The following MEGF6 variants were observed in gnomAD, a reference collection of about 807,000 sequenced individuals.
The protein encoded by MEGF6 is multiple EGF like domains 6.
In MEGF6, 184 loss-of-function variants were observed where a neutral mutation model predicts 207.1. That is an observed-to-expected ratio of 0.89 (90% CI 0.79 to 1.00). The LOEUF (loss-of-function observed/expected upper bound fraction) is 1.00. MEGF6 is among the 50% of genes least tolerant of loss of function. MEGF6 has a pLI of 0.00. For missense variants in MEGF6, 2,282 were observed against 2,202.9 expected, an observed-to-expected ratio of 1.04 and a Z score of -0.72; for synonymous variants, 1,038 against 910.0, an observed-to-expected ratio of 1.14 and a Z score of -2.53.
At chr1:3,591,248 G>A (rs12138013) in intron 3 of MEGF6, among the ~76,000 whole-genome samples, 82,212 of 152,142 alleles carry the variant, frequency 0.54, 25,739 homozygotes, top group Non-Finnish European at 0.71. Context: ...GGAAGGCAGA[G>A]CCTCAGCTGA....
At chr1:3,530,956 C>G in intron 4 of MEGF6, 1 of 1,295,850 alleles carries the variant, frequency 7.7e-7, no homozygotes, top group East Asian at 3.2e-5. Flanking sequence ...GGCACTGCCC[C>G]GCCCTGCTCC....
intron 1 of MEGF6, 77 bp from the exon 2 acceptor site, chr1:3,602,677 T>C (rs1644180001): frequency 1.3e-5 from 20 of 1,524,992 alleles, no homozygotes; most frequent in African/African-American, 2.8e-5. Flanking sequence ...ACCCCCAGCC[T>C]TGGGTGTCAG....
chr1:3,603,058 C>T (rs1644185904), intron 1 of MEGF6, among the ~76,000 whole-genome samples: 1 of 152,186 alleles, frequency 6.6e-6, no homozygotes, highest in Admixed American at 6.5e-5. Context: ...TGAACCCGGG[C>T]CCATCCCCTG....
intron 4 of MEGF6, among the ~76,000 whole-genome samples, chr1:3,563,002 G>A (rs951145883): frequency 2.0e-5 from 3 of 152,174 alleles, no homozygotes; most frequent in Middle Eastern, 3.4e-3. Context: ...TCTGCCCACC[G>A]AGGCAGCCCC....
chr1:3,531,954 C>T (rs1218583066), intron 4 of MEGF6, among the ~76,000 whole-genome samples: 5 of 152,232 alleles, frequency 3.3e-5, no homozygotes, highest in Non-Finnish European at 4.4e-5. Context: ...GAGACACCCC[C>T]AGTCCCCACG....
the MEGF6 span, among the ~76,000 whole-genome samples, chr1:3,617,808 G>A: frequency 1.3e-5 from 2 of 152,198 alleles, no homozygotes; most frequent in African/African-American, 4.8e-5. Context: ...GAGCCACAGG[G>A]AGAGCGCAGC....
intron 4 of MEGF6, among the ~76,000 whole-genome samples, chr1:3,554,283 C>T (rs1204648892): frequency 6.6e-6 from 1 of 152,146 alleles, no homozygotes; most frequent in Non-Finnish European, 1.5e-5. Flanking sequence ...ACCAGCGCCC[C>T]GACCAGGCGG....
intron 4 of MEGF6, among the ~76,000 whole-genome samples, chr1:3,533,475 A>G (rs1194142158): frequency 6.6e-6 from 1 of 152,188 alleles, no homozygotes; most frequent in Non-Finnish European, 1.5e-5. Flanking sequence ...ATTGCCAACA[A>G]CTCACCAGTT....
At position 3,531,520 on chromosome 1, in the gene MEGF6, C is replaced by G. The variant is rs888010810; in HGVS notation, c.482-7274G>C. On this transcript the variant is annotated intron_variant, in intron 4 of 36. Transcript: ENST00000356575. ...GAGGGAGCCGCCCCCGGCCCCGCCC[C>G]GAGCCCCGCCCCACCTCCCCCAGGG... 3.8e-6 allele frequency: 4 copies of G among 1,039,540 alleles called. No individual in the cohort carries two copies. The African/African-American group carries it at 5.1e-5, about 13-fold the overall frequency. The allele number at this position is 1,039,540 out of a possible 1,614,324, so 64.4% of individuals were successfully genotyped here.
Position 3,529,617 on chromosome 1 carries a change from G to A in MEGF6, c.482-5371C>T, listed in dbSNP as rs149602968. ...CAGCACACTGGCACACAGCGACACG[G>A]CTGTGCCAACACGGGCTGGTTCACC... On this transcript the variant is annotated intron_variant, in intron 4 of 36. Transcript: ENST00000356575. Among the ~76,000 whole-genome samples the A allele has an allele frequency of 4.0e-3, 609 of 152,360 alleles. 2 individuals are homozygous for A. The highest frequency in any genetic ancestry group is 0.014 in the African/African-American group (585 of 41,590).
chr1:3,529,209 G>A (rs992204769), intron 4 of MEGF6, among the ~76,000 whole-genome samples: 3 of 152,182 alleles, frequency 2.0e-5, no homozygotes, highest in Admixed American at 2.0e-4. Context: ...GTGGGACCAG[G>A]GCCCCCAGGA....
In MEGF6 at chr1:3,591,945, A is replaced by T. The variant is rs1014685313; in HGVS notation, c.376+3393T>A. 1.1e-4 allele frequency among the ~76,000 whole-genome samples: 17 copies of T among 152,296 alleles called. No individual in the cohort carries two copies. In the East Asian group the frequency reaches 1.2e-3, roughly 10 times the overall value. On this transcript the variant is annotated intron_variant, in intron 3 of 36. Transcript: ENST00000356575. ...AAGCGACCTGGAGGGAACTGAGCCCAGTACTGAGCCATGTTTTCCACTCTT... is the reference window on the plus strand; with the variant it reads ...AAGCGACCTGGAGGGAACTGAGCCCTGTACTGAGCCATGTTTTCCACTCTT...
intron 3 of MEGF6, among the ~76,000 whole-genome samples, chr1:3,588,006 G>GCAGAAGTGGC (rs1643917785): frequency 1.9e-3 from 1 of 520 alleles, no homozygotes. Context: ...CCAGGAGGGG[G>GCAGAAGTGGC]CAGGAGGGGA....
At chr1:3,496,118 C>A in intron 29 of MEGF6, 100 bp from the exon 30 acceptor site, 3 of 1,415,162 alleles carry the variant, frequency 2.1e-6, no homozygotes, top group South Asian at 1.5e-5. Flanking sequence ...GGTGAGGGGA[C>A]CCTGGGTCTG....
intron 4 of MEGF6, among the ~76,000 whole-genome samples, chr1:3,525,316 C>T (rs1203797876): frequency 2.0e-5 from 3 of 152,250 alleles, no homozygotes; most frequent in Non-Finnish European, 4.4e-5. Flanking sequence ...TTAGCTGATG[C>T]CCCACTCAAA....
intron 4 of MEGF6, among the ~76,000 whole-genome samples, chr1:3,542,101 C>T (rs1297256178): frequency 6.6e-6 from 1 of 152,076 alleles, no homozygotes; most frequent in Non-Finnish European, 1.5e-5. Flanking sequence ...CCCGGCTGCC[C>T]CGTTTCCCGT....
intron 26 of MEGF6, 76 bp from the exon 27 acceptor site, chr1:3,497,437 A>G: frequency 6.9e-7 from 1 of 1,440,292 alleles, no homozygotes. Flanking sequence ...GGCCGGGAGC[A>G]GGTGCTGTGG....
At chr1:3,603,290 G>A (rs538660950) in intron 1 of MEGF6, among the ~76,000 whole-genome samples, 1 of 151,948 alleles carries the variant, frequency 6.6e-6, no homozygotes, top group Admixed American at 6.5e-5. Flanking sequence ...GTGGAGAAAG[G>A]ACTCAGGCCC....
At chr1:3,494,940 A>T (rs1237037023) in intron 30 of MEGF6, among the ~76,000 whole-genome samples, 199 bp from the exon 31 acceptor site, 1 of 152,192 alleles carries the variant, frequency 6.6e-6, no homozygotes, top group Non-Finnish European at 1.5e-5. Flanking sequence ...TCAGGCTGCC[A>T]AGTGCCAGGC....
Sources: allele counts gnomAD v4.1 joint callset (sites outside exome capture counted in the v4.1 genomes callset), GRCh38; gene constraint gnomAD v4.1.1; transcripts MANE v1.5; gene names NCBI Gene and HGNC (gene_info 2026-07-23, HGNC 2026-07-21).